The following LRFN2 variants were observed in gnomAD, a reference collection of about 807,000 sequenced individuals.
The protein encoded by LRFN2 is leucine rich repeat and fibronectin type III domain containing 2.
LRFN2 carries 18 observed loss-of-function variants against 37.3 expected under a neutral mutation model. That is an observed-to-expected ratio of 0.48 (90% CI 0.33 to 0.72). The LOEUF is 0.72. LRFN2 is among the 30% of genes least tolerant of loss of function. LRFN2 has a pLI of 0.02. For missense variants in LRFN2, 1,006 were observed against 1,060.7 expected (o/e 0.95, Z 0.72); for synonymous variants, 556 against 466.6 (o/e 1.19, Z -2.47).
In LRFN2 at chr6:40,568,971, C is replaced by G. The variant is rs74865057; in HGVS notation, c.-19+17970G>C. 7.4e-3 allele frequency among the ~76,000 whole-genome samples: 1,131 copies of G among 152,256 alleles called. 22 individuals carry two copies. Among genetic ancestry groups the G allele is most frequent in the African/African-American group, 0.025 (1,054 of 41,544 alleles). ...AGAGATCAGATGACTTGCCCAAGAC[C>G]ACACAGAACCAGACGGGAGCACCCA... On this transcript the variant is annotated intron_variant, in intron 1 of 2. Transcript: ENST00000338305.
Position 40,432,688 on chromosome 6 carries a change from C to T in LRFN2, c.426G>A (p.Glu142=), listed in dbSNP as rs748541273. The T allele has an allele frequency of 2.5e-6, 4 of 1,614,080 alleles. No individual in the cohort carries two copies. Among genetic ancestry groups the T allele is most frequent in the African/African-American group, 1.3e-5 (1 of 74,944 alleles). Reference sequence around the variant, plus strand: ...ATGTCAGCAGGAAGTCCTCAAAAGCCTCATCTGCGATGCCGCCCAGCTGGT... The same window carrying T: ...ATGTCAGCAGGAAGTCCTCAAAAGCTTCATCTGCGATGCCGCCCAGCTGGT... ...NNNQLGGIAD[E]AFEDFLLTLE... The change falls in exon 2 of 3, where the codon GAG becomes GAA. Residue 142 remains glutamate (E), a synonymous_variant. Coordinates refer to ENST00000338305, the MANE Select transcript of LRFN2 (RefSeq NM_020737.3).
chr6:40,509,242 C>A (rs980912853), intron 1 of LRFN2, among the ~76,000 whole-genome samples: 1 of 152,272 alleles, frequency 6.6e-6, no homozygotes, highest in African/African-American at 2.4e-5. Flanking sequence ...ATCTTGTTCT[C>A]TTAACACACA....
intron 2 of LRFN2, among the ~76,000 whole-genome samples, chr6:40,420,430 G>A (rs962788275): frequency 6.6e-6 from 1 of 152,244 alleles, no homozygotes; most frequent in Non-Finnish European, 1.5e-5. Context: ...TGTCTCCAGA[G>A]ATGAGAAAAG....
chr6:40,513,293 G>C (rs747629092), intron 1 of LRFN2, among the ~76,000 whole-genome samples: 2 of 151,666 alleles, frequency 1.3e-5, no homozygotes, highest in Non-Finnish European at 1.5e-5. Context: ...AAGTGCAGTG[G>C]TGAGATCTTG....
chr6:40,522,600 G>A (rs1385494630), intron 1 of LRFN2, among the ~76,000 whole-genome samples: 5 of 152,154 alleles, frequency 3.3e-5, no homozygotes, highest in Non-Finnish European at 5.9e-5. Context: ...TAGCTGGGAT[G>A]GAACCAGCAA....
At chr6:40,443,158 G>A (rs1244313144) in intron 1 of LRFN2, among the ~76,000 whole-genome samples, 3 of 152,152 alleles carry the variant, frequency 2.0e-5, no homozygotes, top group South Asian at 2.1e-4. Context: ...ACGTGGTACC[G>A]GCAAGGTTTG....
At chr6:40,402,794 C>T (rs1762767831) in intron 2 of LRFN2, among the ~76,000 whole-genome samples, 2 of 152,174 alleles carry the variant, frequency 1.3e-5, no homozygotes, top group African/African-American at 4.8e-5. Flanking sequence ...CTGAACTGCC[C>T]TGGGCTCACA....
At chr6:40,515,892 C>CAAAA (rs71543993) in intron 1 of LRFN2, among the ~76,000 whole-genome samples, 12 of 91,728 alleles carry the variant, frequency 1.3e-4, no homozygotes, top group African/African-American at 3.3e-4. Flanking sequence ...GACTCCATAT[C>CAAAA]AAAAAAAAAA....
At chr6:40,558,070 C>T (rs1766923943) in intron 1 of LRFN2, among the ~76,000 whole-genome samples, 1 of 152,190 alleles carries the variant, frequency 6.6e-6, no homozygotes, top group Non-Finnish European at 1.5e-5. Context: ...GGCCTCCTGA[C>T]TCCACGCACG....
intron 1 of LRFN2, among the ~76,000 whole-genome samples, chr6:40,488,392 C>T (rs1471107916): frequency 6.6e-6 from 1 of 151,956 alleles, no homozygotes; most frequent in Non-Finnish European, 1.5e-5. Context: ...TGCCTTGCTC[C>T]TTCCTGGCAC....
chr6:40,431,708 G>A lies in LRFN2; in HGVS notation c.1400+6C>T, dbSNP rs571947610. 1.5e-5 allele frequency: 23 copies of A among 1,501,960 alleles called. No homozygotes were observed. The East Asian group carries it at 4.2e-4, about 27-fold the overall frequency. 93.0% of individuals were successfully genotyped at this position (1,501,960 alleles called of 1,614,324 possible). The stretch of plus-strand genomic sequence containing the variant: ...CTCCCTGCCTTTGCCACAGCCGCTT[G>A]CTCACCTGTAAATCAGTACCTCATC... On this transcript the variant is annotated splice_donor_region_variant and intron_variant, in intron 2 of 2. Transcript: ENST00000338305.
chr6:40,431,809 C>T lies in LRFN2; in HGVS notation c.1305G>A (p.Ser435=), dbSNP rs370227865. ...AVLVSEVTTT[S]ALVKWSVSKS... ...TGCTGACAGACCACTTGACCAGGGC[C>T]GAGGTGGTGGTCACTTCAGACACAA... The change falls in exon 2 of 3, where the codon TCG becomes TCA. Residue 435 remains serine, a synonymous_variant. Coordinates refer to ENST00000338305, the MANE Select transcript of LRFN2 (RefSeq NM_020737.3). 6 of 1,550,058 alleles carry T rather than the reference C, an allele frequency of 3.9e-6. No individual in the cohort carries two copies. In the African/African-American group the frequency reaches 4.1e-5, roughly 11 times the overall value.
chr6:40,451,825 A>G (rs1485955631), intron 1 of LRFN2, among the ~76,000 whole-genome samples: 1 of 152,178 alleles, frequency 6.6e-6, no homozygotes, highest in Non-Finnish European at 1.5e-5. Flanking sequence ...TACAAAACAA[A>G]TGCCTTGTTT....
rs1220270193 is a variant in LRFN2 at position 40,409,960 on chromosome 6, G to A, written c.1401-17048C>T. On this transcript the variant is annotated intron_variant, in intron 2 of 2. Transcript: ENST00000338305. ...TCAGGAGGAGCCCACTCAGCACTTC[G>A]CTGGGCTGTGTTTCTGCTGATTCTC... is the stretch of plus-strand genomic sequence containing the variant. 3.3e-5 allele frequency among the ~76,000 whole-genome samples: 5 copies of A among 152,260 alleles called. No individual in the cohort carries two copies. In the East Asian group the frequency reaches 5.8e-4, roughly 18 times the overall value.
chr6:40,492,996 G>A (rs1039594258), intron 1 of LRFN2, among the ~76,000 whole-genome samples: 4 of 152,052 alleles, frequency 2.6e-5, no homozygotes, highest in African/African-American at 7.2e-5. Context: ...CAGGTTACAG[G>A]CATGAGGGGG....
chr6:40,576,053 G>A (rs968788780), intron 1 of LRFN2, among the ~76,000 whole-genome samples: 2 of 152,098 alleles, frequency 1.3e-5, no homozygotes, highest in Non-Finnish European at 2.9e-5. Flanking sequence ...GCATGACCTG[G>A]TCATTCCATT....
intron 1 of LRFN2, among the ~76,000 whole-genome samples, chr6:40,556,624 T>C (rs1358368967): frequency 6.6e-6 from 1 of 151,816 alleles, no homozygotes; most frequent in Non-Finnish European, 1.5e-5. Flanking sequence ...CAAGGGCATA[T>C]GGCTAGTCAG....
intron 2 of LRFN2, among the ~76,000 whole-genome samples, chr6:40,427,178 T>C (rs1020610448): frequency 6.6e-6 from 1 of 152,256 alleles, no homozygotes; most frequent in Non-Finnish European, 1.5e-5. Flanking sequence ...TGTGTAGTTA[T>C]CAATCTTAAT....
intron 1 of LRFN2, among the ~76,000 whole-genome samples, chr6:40,548,878 A>G (rs1766714204): frequency 6.6e-6 from 1 of 152,204 alleles, no homozygotes; most frequent in African/African-American, 2.4e-5. Context: ...AGCACAGGGA[A>G]ATGAAGCTGA....
Sources: allele counts gnomAD v4.1 joint callset (sites outside exome capture counted in the v4.1 genomes callset), GRCh38; gene constraint gnomAD v4.1.1; transcripts MANE v1.5; gene names NCBI Gene and HGNC (gene_info 2026-07-23, HGNC 2026-07-21).